Variants in ABCC5 observed in about 807,000 individuals in gnomAD.
ABCC5 encodes ATP-binding cassette sub-family C member 5.
Under a neutral mutation model 160.9 loss-of-function variants are expected in ABCC5, and 61 were observed. The ratio of observed to expected loss-of-function variants is 0.38; its 90% CI spans 0.31 to 0.47. The LOEUF is 0.47. ABCC5 is among the 20% of genes least tolerant of loss of function. The pLI, the probability that ABCC5 is intolerant of heterozygous loss-of-function variation, is 0.99. For synonymous variants in ABCC5, 666 were observed against 700.6 expected, an observed-to-expected ratio of 0.95 and a Z score of 0.78; for missense variants, 1,308 against 1,813.3, an observed-to-expected ratio of 0.72 and a Z score of 5.06.
intron 26 of ABCC5, among the ~76,000 whole-genome samples, chr3:183,934,787 G>C (rs1443593717): frequency 1.3e-5 from 2 of 152,084 alleles, no homozygotes; most frequent in Non-Finnish European, 2.9e-5. Context: ...AAAGTGCTGG[G>C]ATTATAGGCA....
At chr3:183,942,241 G>A (rs1236477245) in intron 25 of ABCC5, among the ~76,000 whole-genome samples, 3 of 152,052 alleles carry the variant, frequency 2.0e-5, no homozygotes, top group African/African-American at 7.2e-5. Context: ...GTTTCACCAT[G>A]TTGTTCTGGC....
intron 2 of ABCC5, among the ~76,000 whole-genome samples, chr3:184,000,067 G>A (rs890856425): frequency 6.6e-6 from 1 of 152,030 alleles, no homozygotes; most frequent in African/African-American, 2.4e-5. Flanking sequence ...AGCTAAAGAA[G>A]TGACCAAGTG....
At chr3:183,973,660 C>T (rs755842822) in intron 10 of ABCC5, among the ~76,000 whole-genome samples, 1 of 152,116 alleles carries the variant, frequency 6.6e-6, no homozygotes, top group Non-Finnish European at 1.5e-5. Context: ...CTATCTTCCC[C>T]GAAGTGTCAT....
At chr3:183,983,876 G>A in intron 5 of ABCC5, 23 of 985,388 alleles carry the variant, frequency 2.3e-5, no homozygotes, top group Non-Finnish European at 2.8e-5. Context: ...ATACAGAGTC[G>A]AGTTATACAG....
chr3:183,947,942 T>A (rs556094336), intron 22 of ABCC5, among the ~76,000 whole-genome samples: 2 of 152,160 alleles, frequency 1.3e-5, no homozygotes, highest in Non-Finnish European at 2.9e-5. Flanking sequence ...TCAGAGTGAA[T>A]ATGGGAACAC....
Position 183,977,639 on chromosome 3 carries a change from A to G in ABCC5, c.1297-15T>C. The G allele has an allele frequency of 6.3e-7, 1 of 1,598,396 alleles. No individual in the cohort carries two copies. Among genetic ancestry groups the G allele is most frequent in the Non-Finnish European group, 8.6e-7 (1 of 1,166,466 alleles). Reference sequence around the variant, plus strand: ...ACTGTGAAAGCCTGAAAATAGGAGAAGAGAAGAAACTGTGCCTAATGATGC... The same window carrying G: ...ACTGTGAAAGCCTGAAAATAGGAGAGGAGAAGAAACTGTGCCTAATGATGC... On this transcript the variant is annotated splice_polypyrimidine_tract_variant and intron_variant, in intron 9 of 29. Coordinates refer to ENST00000334444, the MANE Select transcript of ABCC5 (RefSeq NM_005688.4).
At chr3:184,010,161 G>GGAGGCT (rs1178919274) in intron 2 of ABCC5, among the ~76,000 whole-genome samples, 5 of 151,302 alleles carry the variant, frequency 3.3e-5, no homozygotes, top group African/African-American at 1.2e-4. Context: ...CTGCTGTTTA[G>GGAGGCT]GAGGCTGAGG....
At chr3:183,965,312 C>G in intron 13 of ABCC5, 55 bp from the exon 14 acceptor site, 1 of 1,614,030 alleles carries the variant, frequency 6.2e-7, no homozygotes, top group Non-Finnish European at 8.5e-7. Flanking sequence ...AGCCTGCTGA[C>G]TAGGGCTGCC....
chr3:183,963,317 G>A lies in ABCC5; in HGVS notation c.2235+68C>T, dbSNP rs953118602. ...TAGTTATAACACAAGGATACCTGGA[G>A]CAAACCTACCTCCCTGTTTCTGATT... On this transcript the variant is annotated intron_variant, in intron 15 of 29. Transcript: ENST00000334444. The surrounding 1 kb of genome is among the most constrained non-coding windows in gnomAD (Gnocchi z 4.6). 13 of 1,539,746 alleles carry A rather than the reference G, an allele frequency of 8.4e-6. No homozygotes were observed. Among genetic ancestry groups the A allele is most frequent in the African/African-American group, 2.7e-5 (2 of 73,294 alleles).
In ABCC5 at chr3:183,925,597, C is replaced by T. The variant is rs1411381805; in HGVS notation, c.4170G>A (p.Thr1390=). ...CCATAATCCTATCGGAGCCTAGAAC[C>T]GTGTGCAGGCGATGGGCAATGGTCA... ...TMLTIAHRLH[T]VLGSDRIMVL... Residue 1390 remains threonine (T), a synonymous_variant, in exon 29 of 30, where the codon ACG becomes ACA. Coordinates refer to ENST00000334444, the MANE Select transcript of ABCC5 (RefSeq NM_005688.4). The T allele has an allele frequency of 3.7e-6, 6 of 1,613,886 alleles. No individual in the cohort carries two copies. The highest frequency in any genetic ancestry group is 1.7e-5 in the Admixed American group (1 of 59,976).
intron 2 of ABCC5, among the ~76,000 whole-genome samples, chr3:184,005,908 TAA>T (rs11429168): frequency 6.8e-6 from 1 of 147,102 alleles, no homozygotes; most frequent in Non-Finnish European, 1.5e-5. Flanking sequence ...TTTAGGTACT[TAA>T]AAAAAAAAAA....
At chr3:183,973,610 A>C (rs1320392799) in intron 10 of ABCC5, among the ~76,000 whole-genome samples, 1 of 151,918 alleles carries the variant, frequency 6.6e-6, no homozygotes. Context: ...TAAACTTCTA[A>C]GCTCTCCCTT....
In ABCC5 at chr3:183,952,052, G is replaced by T. The variant is rs1022629458; in HGVS notation, c.2668-49C>A. ...AGGCCAGACTCCTAACGACTGCCAA[G>T]AGCCCCTGCTCAGCGCCATTCTCAG... On this transcript the variant is annotated intron_variant, in intron 18 of 29. Coordinates refer to ENST00000334444, the MANE Select transcript of ABCC5 (RefSeq NM_005688.4). 2.5e-6 allele frequency: 4 copies of T among 1,578,014 alleles called. No homozygotes were observed. In the African/African-American group the frequency reaches 4.0e-5, roughly 16 times the overall value.
At chr3:183,994,765 G>A (rs908200396) in intron 2 of ABCC5, among the ~76,000 whole-genome samples, 3 of 151,910 alleles carry the variant, frequency 2.0e-5, no homozygotes, top group East Asian at 1.9e-4. Context: ...AATGGTGAAC[G>A]AATAATGTTT....
intron 26 of ABCC5, among the ~76,000 whole-genome samples, chr3:183,936,674 A>G (rs1713754278): frequency 6.6e-6 from 1 of 152,008 alleles, no homozygotes; most frequent in Non-Finnish European, 1.5e-5. Context: ...CGCCCGGCTA[A>G]TTTTTTGTAT....
intron 18 of ABCC5, among the ~76,000 whole-genome samples, chr3:183,952,597 CAG>C (rs1370426956): frequency 1.3e-5 from 2 of 152,178 alleles, no homozygotes; most frequent in East Asian, 3.9e-4. Context: ...CTTGTCGTGA[CAG>C]TGAGTTCTCA....
At chr3:183,923,851 A>G (rs1234536383) in intron 29 of ABCC5, among the ~76,000 whole-genome samples, 1 of 152,164 alleles carries the variant, frequency 6.6e-6, no homozygotes, top group Non-Finnish European at 1.5e-5. Flanking sequence ...AGTTCTCTCA[A>G]TTCAGCTTTG....
At position 183,950,076 on chromosome 3, in the gene ABCC5, G is replaced by A. The variant is rs1366518714; in HGVS notation, c.2994C>T (p.Ile998=). The change falls in exon 21 of 30, where the codon ATC becomes ATT. Residue 998 remains isoleucine (I), a synonymous_variant. Transcript: ENST00000334444. ...TCATTCCCACACAGAAGAACACCAG[G>A]ATAACGTTCTGGATGAACATCTCGG... ...FQAEMFIQNV[I]LVFFCVGMIA... 1.9e-6 allele frequency: 3 copies of A among 1,614,068 alleles called. No homozygotes were observed. Among genetic ancestry groups the A allele is most frequent in the Non-Finnish European group, 1.7e-6 (2 of 1,180,016 alleles).
chr3:184,004,007 AGT>A (rs1487308702), intron 2 of ABCC5, among the ~76,000 whole-genome samples: 1 of 152,180 alleles, frequency 6.6e-6, no homozygotes, highest in Non-Finnish European at 1.5e-5. Context: ...TCACCAGAGG[AGT>A]TTTAAAACAA....
Sources: allele counts gnomAD v4.1 joint callset (sites outside exome capture counted in the v4.1 genomes callset), GRCh38; gene constraint gnomAD v4.1.1; non-coding constraint Gnocchi (gnomAD v3.1); transcripts MANE v1.5; gene names NCBI Gene and HGNC (gene_info 2026-07-23, HGNC 2026-07-21).